The following MLLT3 variants were observed in gnomAD, a reference collection of about 807,000 sequenced individuals.
MLLT3 encodes the protein MLLT3 super elongation complex subunit.
A neutral mutation model predicts 53.2 loss-of-function variants in MLLT3; 4 were observed. The observed-to-expected ratio is 0.08, with a 90% CI of 0.04 to 0.17. The LOEUF (loss-of-function observed/expected upper bound fraction) is 0.17. Ranked by LOEUF, MLLT3 falls within the 10% of genes least tolerant of loss-of-function variation. The pLI is 1.00. For synonymous variants in MLLT3, 283 were observed against 230.6 expected, an observed-to-expected ratio of 1.23 and a Z score of -2.06; for missense variants, 569 against 684.0, an observed-to-expected ratio of 0.83 and a Z score of 1.87.
Position 20,499,654 on chromosome 9 carries a change from A to T in MLLT3, c.194-42868T>A, listed in dbSNP as rs181579685. Among the ~76,000 whole-genome samples the T allele has an allele frequency of 8.5e-5, 13 of 152,372 alleles. No individual in the cohort carries two copies. In the East Asian group the frequency reaches 1.7e-3, roughly 20 times the overall value. ...CCAAAATAGATGCATTCCTTGCAATACAATCAGCTCAGCTTAAGGGTCTAC... is the reference window on the plus strand; with the variant it reads ...CCAAAATAGATGCATTCCTTGCAATTCAATCAGCTCAGCTTAAGGGTCTAC... On this transcript the variant is annotated intron_variant, in intron 2 of 10. Coordinates refer to ENST00000380338, the MANE Select transcript of MLLT3 (RefSeq NM_004529.4).
At position 20,620,079 on chromosome 9, in the gene MLLT3, G is replaced by A. The variant is rs889931334; in HGVS notation, c.193+575C>T. On this transcript the variant is annotated intron_variant, in intron 2 of 10. Coordinates refer to ENST00000380338, the MANE Select transcript of MLLT3 (RefSeq NM_004529.4). The surrounding 1 kb of genome is among the most constrained non-coding windows in gnomAD (Gnocchi z 6.1). ...TAAAATCCAGACTGGAGTGGGTGTG[G>A]CGGTGGCTAAGCCACAAAAAGAAAA... is the stretch of plus-strand genomic sequence containing the variant. Among the ~76,000 whole-genome samples, 1 of 151,996 alleles carries A rather than the reference G, an allele frequency of 6.6e-6. No homozygotes were observed. Among genetic ancestry groups the A allele is most frequent in the African/African-American group, 2.4e-5 (1 of 41,370 alleles).
chr9:20,425,607 C>G (rs1380850697), intron 4 of MLLT3, among the ~76,000 whole-genome samples: 4 of 152,098 alleles, frequency 2.6e-5, no homozygotes, highest in African/African-American at 7.2e-5. Context: ...AATTTTCCTT[C>G]TGATGTCATT....
At chr9:20,546,162 G>C (rs772704704) in intron 2 of MLLT3, among the ~76,000 whole-genome samples, 1 of 152,148 alleles carries the variant, frequency 6.6e-6, no homozygotes, top group African/African-American at 2.4e-5. Context: ...CAACACACAG[G>C]AACGTAGGAG....
At chr9:20,367,035 G>A (rs1272289662) in intron 5 of MLLT3, among the ~76,000 whole-genome samples, 1 of 152,216 alleles carries the variant, frequency 6.6e-6, no homozygotes, top group Non-Finnish European at 1.5e-5. Flanking sequence ...GTTCACAAAT[G>A]GAGGCCAATA....
chr9:20,620,546 C>CGAGCG lies in MLLT3; in HGVS notation c.193+107_193+108insCGCTC. On this transcript the variant is annotated intron_variant, in intron 2 of 10. Transcript: ENST00000380338. The surrounding 1 kb of genome is among the most constrained non-coding windows in gnomAD (Gnocchi z 6.1). ...CGCGCACCCGGATCCCGAGGCTACG[C>CGAGCG]CGGCGAGCGCGGCGCGGGGGGCGGG... 1 of 1,018,704 alleles carries CGAGCG rather than the reference C, an allele frequency of 9.8e-7. No homozygotes were observed. Among genetic ancestry groups the CGAGCG allele is most frequent in the South Asian group, 2.7e-5 (1 of 37,078 alleles). 63.1% of individuals were successfully genotyped at this position (1,018,704 alleles called of 1,614,324 possible). A position where few individuals can be genotyped will look rare whatever the true frequency, so the allele number is the denominator to read the frequency against.
At chr9:20,558,029 T>G (rs1819106984) in intron 2 of MLLT3, among the ~76,000 whole-genome samples, 1 of 152,188 alleles carries the variant, frequency 6.6e-6, no homozygotes, top group Admixed American at 6.5e-5. Context: ...CTCCAGTTGT[T>G]CAGGCCTACA....
At chr9:20,393,463 CACTT>C (rs1005334449) in intron 5 of MLLT3, among the ~76,000 whole-genome samples, 5 of 152,300 alleles carry the variant, frequency 3.3e-5, no homozygotes, top group African/African-American at 1.2e-4. Context: ...TCACATTACT[CACTT>C]AGAACGCTAT....
At chr9:20,500,545 C>A (rs149963228) in intron 2 of MLLT3, among the ~76,000 whole-genome samples, 4 of 152,262 alleles carry the variant, frequency 2.6e-5, no homozygotes, top group East Asian at 1.9e-4. Flanking sequence ...GATAACTTTA[C>A]GGAAATCTTT....
chr9:20,399,171 C>G (rs1238316379), intron 5 of MLLT3, among the ~76,000 whole-genome samples: 1 of 152,174 alleles, frequency 6.6e-6, no homozygotes, highest in African/African-American at 2.4e-5. Flanking sequence ...AGGGAGTTCT[C>G]TCACTCATGT....
chr9:20,590,415 G>A (rs1038200470), intron 2 of MLLT3, among the ~76,000 whole-genome samples: 3 of 152,320 alleles, frequency 2.0e-5, no homozygotes, highest in South Asian at 4.1e-4. Flanking sequence ...CCCAGTCGGA[G>A]GTGATTAGAC....
At chr9:20,392,893 G>A (rs1005431536) in intron 5 of MLLT3, among the ~76,000 whole-genome samples, 1 of 151,994 alleles carries the variant, frequency 6.6e-6, no homozygotes, top group Non-Finnish European at 1.5e-5. Flanking sequence ...AAAGACTGAT[G>A]ACCTGTAATC....
chr9:20,448,352 A>C lies in MLLT3; in HGVS notation c.277-86T>G, dbSNP rs964852836. The C allele has an allele frequency of 7.7e-7, 1 of 1,300,692 alleles. No individual in the cohort carries two copies. The highest frequency in any genetic ancestry group is 1.5e-5 in the African/African-American group (1 of 67,728). The allele number at this position is 1,300,692 out of a possible 1,614,324, so 80.6% of individuals were successfully genotyped here. The stretch of plus-strand genomic sequence containing the variant: ...AGCAAAAATTTACTCCTCATAAGAA[A>C]TAGAAAAGAACTAAGACATCTAACA... On this transcript the variant is annotated intron_variant, in intron 3 of 10. Coordinates refer to ENST00000380338, the MANE Select transcript of MLLT3 (RefSeq NM_004529.4). This position sits in a 1 kb window ranked among gnomAD's most constrained non-coding sequence, Gnocchi z 4.0.
At chr9:20,477,381 C>T (rs1046144369) in intron 2 of MLLT3, among the ~76,000 whole-genome samples, 2 of 152,014 alleles carry the variant, frequency 1.3e-5, no homozygotes, top group Admixed American at 6.6e-5. Context: ...CAACTGGAGT[C>T]TCTGTTTTAT....
At chr9:20,529,689 A>G (rs1818281444) in intron 2 of MLLT3, among the ~76,000 whole-genome samples, 1 of 152,030 alleles carries the variant, frequency 6.6e-6, no homozygotes, top group African/African-American at 2.4e-5. Context: ...ATGACAAACA[A>G]AATTCAGAGA....
chr9:20,459,631 T>C (rs1824059932), intron 2 of MLLT3, among the ~76,000 whole-genome samples: 1 of 152,218 alleles, frequency 6.6e-6, no homozygotes, highest in African/African-American at 2.4e-5. Flanking sequence ...CCCTTTAGTA[T>C]AATTCATTTT....
intron 2 of MLLT3, among the ~76,000 whole-genome samples, chr9:20,563,382 C>A (rs1398693568): frequency 2.0e-5 from 3 of 152,004 alleles, no homozygotes; most frequent in Non-Finnish European, 4.4e-5. Flanking sequence ...AAAGCCAGGT[C>A]CCTGCTGGGT....
chr9:20,497,418 C>T (rs367766322), intron 2 of MLLT3, among the ~76,000 whole-genome samples: 9 of 152,132 alleles, frequency 5.9e-5, no homozygotes, highest in South Asian at 2.1e-4. Context: ...AAGTTTTCCC[C>T]GACCTTCATG....
chr9:20,590,457 T>C (rs1051378500), intron 2 of MLLT3, among the ~76,000 whole-genome samples: 1 of 152,206 alleles, frequency 6.6e-6, no homozygotes, highest in Non-Finnish European at 1.5e-5. Flanking sequence ...GCTGTTCTCA[T>C]GATAGTGAGT....
intron 2 of MLLT3, among the ~76,000 whole-genome samples, chr9:20,507,311 T>C (rs1201516670): frequency 6.6e-6 from 1 of 152,156 alleles, no homozygotes; most frequent in African/African-American, 2.4e-5. Flanking sequence ...ACTTCTTACT[T>C]ACAAGGCACC....
Sources: allele counts gnomAD v4.1 joint callset (sites outside exome capture counted in the v4.1 genomes callset), GRCh38; gene constraint gnomAD v4.1.1; non-coding constraint Gnocchi (gnomAD v3.1); transcripts MANE v1.5; gene names NCBI Gene and HGNC (gene_info 2026-07-23, HGNC 2026-07-21).